TMEM120B: variants seen among roughly 807,000 people sequenced by gnomAD.
The protein encoded by TMEM120B is transmembrane protein 120B.
Under a neutral mutation model 55.5 loss-of-function variants are expected in TMEM120B, and 31 were observed. That is an observed-to-expected ratio of 0.56 (90% confidence interval 0.42 to 0.75). The LOEUF is 0.75. Among genes scored for constraint, TMEM120B ranks in the 30% least tolerant of loss-of-function variants. The pLI is 0.00. For missense variants in TMEM120B, 399 were observed against 425.5 expected (o/e 0.94, Z 0.55); for synonymous variants, 203 against 176.3 (o/e 1.15, Z -1.20).
At chr12:121,721,862 G>A (rs1278067084) in intron 1 of TMEM120B, among the ~76,000 whole-genome samples, 7 of 136,508 alleles carry the variant, frequency 5.1e-5, no homozygotes, top group African/African-American at 2.0e-4. Flanking sequence ...AGGCTGGAGT[G>A]CAGTGGCTCA....
At chr12:121,770,145 G>A (rs547042511) in intron 6 of TMEM120B, among the ~76,000 whole-genome samples, 3 of 152,162 alleles carry the variant, frequency 2.0e-5, no homozygotes, top group Non-Finnish European at 4.4e-5. Flanking sequence ...GCCACAGAGT[G>A]TATTTCCTCA....
chr12:121,732,708 G>A (rs1178663068), intron 1 of TMEM120B, among the ~76,000 whole-genome samples: 4 of 152,020 alleles, frequency 2.6e-5, no homozygotes, highest in African/African-American at 9.7e-5. Context: ...GGCCGGACGC[G>A]GTGGCTCACG....
At chr12:121,757,143 G>GA (rs1873500042) in intron 5 of TMEM120B, among the ~76,000 whole-genome samples, 1 of 145,316 alleles carries the variant, frequency 6.9e-6, no homozygotes, top group Admixed American at 6.7e-5. Flanking sequence ...TGGGCGGTGG[G>GA]GGGGGGGGGT....
At chr12:121,736,592 C>T (rs1196430301) in intron 1 of TMEM120B, among the ~76,000 whole-genome samples, 1 of 151,882 alleles carries the variant, frequency 6.6e-6, no homozygotes, top group Non-Finnish European at 1.5e-5. Flanking sequence ...CTCTGTTGAC[C>T]AGGCTGGAGC....
chr12:121,719,567 CAG>C (rs575546163), intron 1 of TMEM120B, among the ~76,000 whole-genome samples: 306 of 152,234 alleles, frequency 2.0e-3, no homozygotes, highest in African/African-American at 7.0e-3. Context: ...GCCTGGGTGA[CAG>C]AGTGAGACCC....
At chr12:121,732,267 G>C (rs868606006) in intron 1 of TMEM120B, among the ~76,000 whole-genome samples, 3 of 152,240 alleles carry the variant, frequency 2.0e-5, no homozygotes, top group African/African-American at 7.2e-5. Context: ...TGCCTTGCGG[G>C]TGGAGAATGT....
intron 5 of TMEM120B, among the ~76,000 whole-genome samples, chr12:121,757,663 C>T (rs1873524729): frequency 6.6e-6 from 1 of 152,134 alleles, no homozygotes; most frequent in Admixed American, 6.5e-5. Context: ...ACTACAGGTG[C>T]CCGCCACCAT....
chr12:121,742,089 G>A (rs928163551), intron 1 of TMEM120B, among the ~76,000 whole-genome samples: 2 of 150,378 alleles, frequency 1.3e-5, no homozygotes, highest in East Asian at 2.0e-4. Context: ...TGCAACCTCC[G>A]ACTCCCAGAT....
In TMEM120B at chr12:121,726,591, A is replaced by AT. The variant is rs55760382; in HGVS notation, c.69+13627_69+13628insT. Among the ~76,000 whole-genome samples the AT allele has an allele frequency of 6.3e-3, 929 of 147,276 alleles. 17 individuals are homozygous for AT. Among genetic ancestry groups the AT allele is most frequent in the East Asian group, 0.018 (87 of 4,950 alleles). On this transcript the variant is annotated intron_variant, in intron 1 of 11. Coordinates refer to ENST00000449592, the MANE Select transcript of TMEM120B (RefSeq NM_001080825.2). ...GAGACTCTGTCTCAAAAAAAAAAAT[A>AT]AAATAAAATAATAATAATAATGCTT...
In TMEM120B at chr12:121,743,665, C is replaced by T; in HGVS notation, c.106C>T (p.Leu36=). 6.2e-7 allele frequency: 1 copy of T among 1,613,684 alleles called. No individual in the cohort carries two copies. The highest frequency in any genetic ancestry group is 1.1e-5 in the South Asian group (1 of 91,068). ...HRIYKQKLEE[L]AALQTLCSSS... Reference sequence around the variant, plus strand: ...GATCTACAAGCAGAAGCTGGAGGAGCTGGCTGCGCTGCAGACGCTGTGTAG... The same window carrying T: ...GATCTACAAGCAGAAGCTGGAGGAGTTGGCTGCGCTGCAGACGCTGTGTAG... The change falls in exon 2 of 12, where the codon CTG becomes TTG. Residue 36 remains leucine (L), a synonymous_variant. Transcript: ENST00000449592.
At chr12:121,763,428 C>T (rs1360793768) in intron 6 of TMEM120B, among the ~76,000 whole-genome samples, 1 of 151,842 alleles carries the variant, frequency 6.6e-6, no homozygotes, top group African/African-American at 2.4e-5. Flanking sequence ...TCCCAAAGTG[C>T]TGGGATTACA....
rs150917405 is a variant in TMEM120B at position 121,764,160 on chromosome 12, CAA to C, written c.551+2439_551+2440del. Among the ~76,000 whole-genome samples the C allele has an allele frequency of 1.8e-3, 213 of 117,860 alleles. No homozygotes were observed. In the East Asian group the frequency reaches 0.035, roughly 19 times the overall value. 77.3% of individuals were successfully genotyped at this position (117,860 alleles called of 152,430 possible). On this transcript the variant is annotated intron_variant, in intron 6 of 11. Coordinates refer to ENST00000449592, the MANE Select transcript of TMEM120B (RefSeq NM_001080825.2). The stretch of plus-strand genomic sequence containing the variant: ...CAACAAAATAAGATTTCATCTTTAC[CAA>C]AAAAAAAAAAAAAAAATTAGCTGGG...
At chr12:121,720,054 T>C (rs528012573) in intron 1 of TMEM120B, among the ~76,000 whole-genome samples, 16 of 152,170 alleles carry the variant, frequency 1.1e-4, no homozygotes, top group Non-Finnish European at 1.9e-4. Flanking sequence ...GCCTGCTGCA[T>C]GCACCTCATC....
intron 1 of TMEM120B, among the ~76,000 whole-genome samples, chr12:121,716,616 A>C (rs1894708409): frequency 7.6e-6 from 1 of 131,862 alleles, no homozygotes; most frequent in African/African-American, 2.9e-5. Flanking sequence ...AAACTAGAGT[A>C]CAGTGGCACA....
At chr12:121,773,779 A>ACACACACACACAC (rs1874143281) in intron 9 of TMEM120B, among the ~76,000 whole-genome samples, 1 of 83,440 alleles carries the variant, frequency 1.2e-5, no homozygotes, top group South Asian at 3.7e-4. Flanking sequence ...CACACACACA[A>ACACACACACACAC]ATTAGCCATT....
At chr12:121,761,471 G>A (rs140537335) in intron 5 of TMEM120B, among the ~76,000 whole-genome samples, 178 bp from the exon 6 acceptor site, 64 of 152,258 alleles carry the variant, frequency 4.2e-4, no homozygotes, top group African/African-American at 1.3e-3. Flanking sequence ...TTGCAGGGCC[G>A]GGGAAGACGC....
chr12:121,751,678 C>G (rs1873334785), intron 4 of TMEM120B, among the ~76,000 whole-genome samples: 1 of 143,068 alleles, frequency 7.0e-6, no homozygotes, highest in African/African-American at 2.6e-5. Context: ...CTCCCTTCCT[C>G]CAAGTCAGTA....
chr12:121,745,877 T>A (rs1873066254), intron 2 of TMEM120B, among the ~76,000 whole-genome samples: 1 of 152,036 alleles, frequency 6.6e-6, no homozygotes, highest in Non-Finnish European at 1.5e-5. Context: ...TGTTGTTGTT[T>A]TTGAGATGGA....
chr12:121,723,662 G>T (rs1041417940), intron 1 of TMEM120B, among the ~76,000 whole-genome samples: 2 of 152,144 alleles, frequency 1.3e-5, no homozygotes, highest in Non-Finnish European at 2.9e-5. Context: ...GCCTCCCAGG[G>T]CACAGAGAAA....
Sources: allele counts gnomAD v4.1 joint callset (sites outside exome capture counted in the v4.1 genomes callset), GRCh38; gene constraint gnomAD v4.1.1; transcripts MANE v1.5; gene names NCBI Gene and HGNC (gene_info 2026-07-23, HGNC 2026-07-21).